ARFGEF2: variants seen among roughly 807,000 people sequenced by gnomAD.
The protein encoded by ARFGEF2 is ARF guanine nucleotide exchange factor 2, also known as brefeldin A-inhibited guanine nucleotide-exchange protein 2.
A neutral mutation model predicts 219.9 loss-of-function variants in ARFGEF2; 74 were observed. That is an observed-to-expected ratio of 0.34 (90% CI 0.28 to 0.41). ARFGEF2 has a LOEUF of 0.41. Ranked by LOEUF, ARFGEF2 falls within the 10% of genes least tolerant of loss-of-function variation. The pLI, the probability that ARFGEF2 is intolerant of heterozygous loss-of-function variation, is 1.00. For missense variants in ARFGEF2, 1,743 were observed against 2,218.3 expected (o/e 0.79, Z 4.30); for synonymous variants, 733 against 799.2 (o/e 0.92, Z 1.40).
intron 1 of ARFGEF2, among the ~76,000 whole-genome samples, chr20:48,926,522 G>A (rs186992792): frequency 4.8e-4 from 73 of 151,738 alleles, no homozygotes; most frequent in African/African-American, 1.7e-3. Flanking sequence ...GGTGGGGTGC[G>A]ATCTCAGGTC....
intron 25 of ARFGEF2, among the ~76,000 whole-genome samples, chr20:49,000,014 G>T (rs2091415766): frequency 6.6e-6 from 1 of 152,198 alleles, no homozygotes. Context: ...TCAATGGGGT[G>T]CTGGTAAATG....
intron 21 of ARFGEF2, among the ~76,000 whole-genome samples, chr20:48,992,076 G>A (rs1180650176): frequency 6.6e-6 from 1 of 152,162 alleles, no homozygotes; most frequent in Non-Finnish European, 1.5e-5. Flanking sequence ...GAAAAATAAG[G>A]GAGGAGGGTT....
At chr20:49,001,054 C>CTTTT (rs66754799) in intron 25 of ARFGEF2, among the ~76,000 whole-genome samples, 12 of 60,604 alleles carry the variant, frequency 2.0e-4, no homozygotes, top group Admixed American at 4.3e-4. Context: ...CTCAGGAACT[C>CTTTT]TTTTTTTTTT....
chr20:48,957,684 C>T (rs2091113820), intron 6 of ARFGEF2, among the ~76,000 whole-genome samples: 1 of 152,192 alleles, frequency 6.6e-6, no homozygotes, highest in Non-Finnish European at 1.5e-5. Flanking sequence ...CTTCTGAGAC[C>T]TATCCAAGGC....
intron 20 of ARFGEF2, 145 bp downstream of exon 20, chr20:48,989,829 G>C (rs2091347331): frequency 7.8e-7 from 1 of 1,277,836 alleles, no homozygotes. Context: ...GAAATCCGTA[G>C]CTTTGTGATG....
chr20:48,941,006 A>T (rs2090989875), intron 1 of ARFGEF2, among the ~76,000 whole-genome samples, 193 bp from the exon 2 acceptor site: 1 of 152,228 alleles, frequency 6.6e-6, no homozygotes, highest in African/African-American at 2.4e-5. Context: ...AGTAATGCCT[A>T]GCCAGTCACT....
At chr20:49,021,844 C>CAAAA (rs71337480) in intron 34 of ARFGEF2, among the ~76,000 whole-genome samples, 19 of 110,154 alleles carry the variant, frequency 1.7e-4, no homozygotes, top group African/African-American at 4.8e-4. Flanking sequence ...GACTCTGTCT[C>CAAAA]AAAAAAAAAA....
Position 48,951,414 on chromosome 20 carries a change from G to A in ARFGEF2, c.368G>A (p.Cys123Tyr), listed in dbSNP as rs769803557. 1 of 1,614,206 alleles carries A rather than the reference G, an allele frequency of 6.2e-7. No homozygotes were observed. The highest frequency in any genetic ancestry group is 1.1e-5 in the South Asian group (1 of 91,082). ...ATCGACAGAATTGTTGAAACCATTT[G>A]CAGTTGTTTTCAGGGCCCTCAGACT... ...RLIDRIVETI[C>Y]SCFQGPQTDE... is the part of the protein sequence containing the mutation. The change falls in exon 4 of 39, where the codon TGC becomes TAC. Residue 123 changes from cysteine (C) to tyrosine (Y), a missense_variant. Coordinates refer to ENST00000371917, the MANE Select transcript of ARFGEF2 (RefSeq NM_006420.3).
intron 6 of ARFGEF2, among the ~76,000 whole-genome samples, chr20:48,956,248 T>G (rs553661894): frequency 6.6e-6 from 1 of 152,356 alleles, no homozygotes; most frequent in African/African-American, 2.4e-5. Flanking sequence ...GGACACTCAC[T>G]GTACTGCTGA....
rs769795740 is a variant in ARFGEF2 at position 48,942,118 on chromosome 20, C to T, written c.276+131C>T. The T allele has an allele frequency of 6.3e-5, 80 of 1,265,962 alleles. No homozygotes were observed. The Admixed American group carries it at 8.1e-4, about 13-fold the overall frequency. The allele number at this position is 1,265,962 out of a possible 1,614,324, so 78.4% of individuals were successfully genotyped here. A position where few individuals can be genotyped will look rare whatever the true frequency, so the allele number is the denominator to read the frequency against. On this transcript the variant is annotated intron_variant, in intron 3 of 38. Coordinates refer to ENST00000371917, the MANE Select transcript of ARFGEF2 (RefSeq NM_006420.3). ...GGCGATGCAGAAAGGAGCAGTTTAA[C>T]GTATTCTTTTTGGAGATCTCATGAG...
intron 6 of ARFGEF2, among the ~76,000 whole-genome samples, chr20:48,958,253 G>A (rs1428565045): frequency 6.6e-6 from 1 of 152,096 alleles, no homozygotes; most frequent in Non-Finnish European, 1.5e-5. Flanking sequence ...TGCTTTATGT[G>A]TATCATTCTC....
chr20:49,005,386 TAAA>T (rs1283858553), intron 26 of ARFGEF2, among the ~76,000 whole-genome samples, 165 bp downstream of exon 26: 1 of 152,142 alleles, frequency 6.6e-6, no homozygotes, highest in African/African-American at 2.4e-5. Flanking sequence ...CAAATCTCAC[TAAA>T]ATCTATGTGT....
intron 26 of ARFGEF2, among the ~76,000 whole-genome samples, chr20:49,005,761 AAAG>A (rs1021588250): frequency 2.6e-5 from 4 of 151,152 alleles, no homozygotes; most frequent in Admixed American, 1.3e-4. Flanking sequence ...AAAAAAAAGA[AAAG>A]AAATATGTCA....
chr20:48,995,717 AG>A, intron 22 of ARFGEF2, 65 bp from the exon 23 acceptor site: 1 of 1,378,406 alleles, frequency 7.3e-7, no homozygotes, highest in South Asian at 1.2e-5. Context: ...TTGACATAAC[AG>A]GATGCTTTGT....
At chr20:49,030,918 G>C (rs2091630345) in intron 37 of ARFGEF2, among the ~76,000 whole-genome samples, 1 of 152,172 alleles carries the variant, frequency 6.6e-6, no homozygotes, top group South Asian at 2.1e-4. Context: ...CTTGAACCCA[G>C]GAGGCAGAGG....
chr20:48,937,028 A>G (rs537479145), intron 1 of ARFGEF2, among the ~76,000 whole-genome samples: 50 of 152,222 alleles, frequency 3.3e-4, no homozygotes, highest in South Asian at 3.1e-3. Flanking sequence ...GTTGGGCCAT[A>G]TGAGACTACT....
At chr20:48,987,879 C>A (rs567218962) in intron 16 of ARFGEF2, among the ~76,000 whole-genome samples, 2 of 152,298 alleles carry the variant, frequency 1.3e-5, no homozygotes, top group South Asian at 4.1e-4. Context: ...CCTCCACCTC[C>A]CGGGTTCAGG....
Position 48,942,833 on chromosome 20 carries a change from T to G in ARFGEF2, c.276+846T>G, listed in dbSNP as rs562704216. Reference sequence around the variant, plus strand: ...ATACTGAATTAGCAAACATTGAATCTTTGTTCCTGGAGGAACTACAGGGTT... The same window carrying G: ...ATACTGAATTAGCAAACATTGAATCGTTGTTCCTGGAGGAACTACAGGGTT... On this transcript the variant is annotated intron_variant, in intron 3 of 38. Coordinates refer to ENST00000371917, the MANE Select transcript of ARFGEF2 (RefSeq NM_006420.3). 2.0e-5 allele frequency among the ~76,000 whole-genome samples: 3 copies of G among 152,320 alleles called. No individual in the cohort carries two copies. In the South Asian group the frequency reaches 6.2e-4, roughly 32 times the overall value.
At chr20:48,959,733 C>G (rs1479320760) in intron 6 of ARFGEF2, among the ~76,000 whole-genome samples, 3 of 150,602 alleles carry the variant, frequency 2.0e-5, no homozygotes, top group Non-Finnish European at 4.4e-5. Flanking sequence ...ACTCAGCCTC[C>G]CGAGGAGCTG....
Sources: allele counts gnomAD v4.1 joint callset (sites outside exome capture counted in the v4.1 genomes callset), GRCh38; gene constraint gnomAD v4.1.1; transcripts MANE v1.5; gene names NCBI Gene and HGNC (gene_info 2026-07-23, HGNC 2026-07-21).